Variants in SFMBT1 observed in about 807,000 individuals in gnomAD.
SFMBT1 encodes the protein scm-like with four MBT domains protein 1.
Under a neutral mutation model 108.7 loss-of-function variants are expected in SFMBT1, and 32 were observed. The ratio of observed to expected loss-of-function variants is 0.29; its 90% CI spans 0.22 to 0.40. The LOEUF (loss-of-function observed/expected upper bound fraction) is 0.40, where lower values mean the gene tolerates loss of function less well. SFMBT1 is among the 10% of genes least tolerant of loss of function. The probability of loss-of-function intolerance (pLI) is 1.00; values close to 1 mark genes in which losing one functional copy is unlikely to be tolerated. For missense variants in SFMBT1, 816 were observed against 1,059.6 expected, an observed-to-expected ratio of 0.77 and a Z score of 3.19; for synonymous variants, 348 against 369.5, an observed-to-expected ratio of 0.94 and a Z score of 0.67.
intron 1 of SFMBT1, among the ~76,000 whole-genome samples, chr3:53,017,642 T>C (rs1241588730): frequency 1.3e-5 from 2 of 152,190 alleles, no homozygotes; most frequent in African/African-American, 4.8e-5. Flanking sequence ...AAAGAGCAAC[T>C]TGGAGAAATA....
rs564185675 is a variant in SFMBT1 at position 52,907,012 on chromosome 3, C to G, written c.2331+57G>C. ...TGTCAATATCACTAATAATCATATT[C>G]CAGATGGAAATTCCAGAGAGAAAGA... On this transcript the variant is annotated intron_variant, in intron 19 of 20. Coordinates refer to ENST00000394752, the MANE Select transcript of SFMBT1 (RefSeq NM_016329.4). 123 of 1,546,454 alleles carry G rather than the reference C, an allele frequency of 8.0e-5. No homozygotes were observed. The African/African-American group carries it at 1.6e-3, about 20-fold the overall frequency.
rs1448849638 is a variant in SFMBT1 at position 53,001,925 on chromosome 3, T to TCTCACACACACACACACA, written c.-130-32668_-130-32667insTGTGTGTGTGTGTGTGAG. The stretch of plus-strand genomic sequence containing the variant: ...GGGCAACAGAGCAAGACCCAGTCTC[T>TCTCACACACACACACACA]CACACACACACACACACACACACAC... On this transcript the variant is annotated intron_variant, in intron 1 of 20. Transcript: ENST00000394752. Among the ~76,000 whole-genome samples, 124 of 129,230 alleles carry TCTCACACACACACACACA rather than the reference T, an allele frequency of 9.6e-4. 4 individuals carry two copies. The highest frequency in any genetic ancestry group is 3.3e-3 in the African/African-American group (120 of 35,826). The allele number at this position is 129,230 out of a possible 152,430, so 84.8% of individuals were successfully genotyped here. A position where few individuals can be genotyped will look rare whatever the true frequency, so the allele number is the denominator to read the frequency against.
chr3:52,939,210 T>C (rs1703110330), intron 4 of SFMBT1, among the ~76,000 whole-genome samples: 1 of 152,240 alleles, frequency 6.6e-6, no homozygotes, highest in South Asian at 2.1e-4. Context: ...CCTCATTTGA[T>C]TTTCCTACAT....
chr3:52,983,484 GTGT>G (rs1178700674), intron 1 of SFMBT1, among the ~76,000 whole-genome samples: 1 of 152,184 alleles, frequency 6.6e-6, no homozygotes, highest in African/African-American at 2.4e-5. Context: ...CAACACCCCT[GTGT>G]TGTTCAAGGG....
intron 17 of SFMBT1, among the ~76,000 whole-genome samples, chr3:52,908,271 A>C (rs1008218895): frequency 6.6e-6 from 1 of 151,502 alleles, no homozygotes; most frequent in Non-Finnish European, 1.5e-5. Flanking sequence ...ACGGGGTTTC[A>C]CCATGTTGGC....
At chr3:53,039,965 C>G (rs1699983416) in intron 1 of SFMBT1, among the ~76,000 whole-genome samples, 1 of 152,198 alleles carries the variant, frequency 6.6e-6, no homozygotes, top group South Asian at 2.1e-4. Context: ...TTGGTGTGAT[C>G]ACCATCTAAC....
At chr3:52,926,844 A>C (rs554827486) in intron 9 of SFMBT1, among the ~76,000 whole-genome samples, 21 of 152,174 alleles carry the variant, frequency 1.4e-4, no homozygotes, top group Admixed American at 5.2e-4. Context: ...AATGTCTCAC[A>C]GGCAAAAAAA....
In SFMBT1 at chr3:52,913,464, G is replaced by A; in HGVS notation, c.1620+14C>T. The stretch of plus-strand genomic sequence containing the variant: ...GAAATTTCCAAGTTATTTTGCTCTA[G>A]GCCAGAACCTTACCTCTCTAAGGAC... On this transcript the variant is annotated intron_variant, in intron 15 of 20. Transcript: ENST00000394752. 1 of 1,609,348 alleles carries A rather than the reference G, an allele frequency of 6.2e-7. No individual in the cohort carries two copies. The highest frequency in any genetic ancestry group is 8.5e-7 in the Non-Finnish European group (1 of 1,178,712).
intron 1 of SFMBT1, among the ~76,000 whole-genome samples, chr3:53,024,561 G>A (rs761817573): frequency 7.2e-5 from 11 of 152,196 alleles, no homozygotes; most frequent in African/African-American, 1.4e-4. Context: ...TAACAGGGTC[G>A]TTGTGTGTCA....
chr3:52,912,120 G>T (rs1702230362), intron 16 of SFMBT1, among the ~76,000 whole-genome samples: 1 of 152,122 alleles, frequency 6.6e-6, no homozygotes, highest in African/African-American at 2.4e-5. Context: ...AGCTGAAAAA[G>T]CCCTGCCTAA....
At chr3:52,964,488 T>A (rs2336670) in intron 2 of SFMBT1, among the ~76,000 whole-genome samples, 43 of 152,118 alleles carry the variant, frequency 2.8e-4, no homozygotes, top group Admixed American at 9.8e-4. Flanking sequence ...TACTCCACCC[T>A]GGGTGACAAA....
At chr3:52,954,432 A>G (rs767298452) in intron 2 of SFMBT1, 21 bp from the exon 3 acceptor site, 10 of 1,552,874 alleles carry the variant, frequency 6.4e-6, no homozygotes, top group Non-Finnish European at 8.8e-6. Context: ...AAATAAAACA[A>G]AAACAGGTGA....
chr3:52,921,595 A>C, intron 11 of SFMBT1, 110 bp downstream of exon 11: 4 of 1,214,858 alleles, frequency 3.3e-6, no homozygotes, highest in Middle Eastern at 2.1e-4. Flanking sequence ...GTCTCTGAAC[A>C]AGATCCCTAT....
intron 9 of SFMBT1, among the ~76,000 whole-genome samples, chr3:52,926,492 G>C (rs1042351671): frequency 6.6e-6 from 1 of 152,068 alleles, no homozygotes; most frequent in Non-Finnish European, 1.5e-5. Context: ...AAAGGGACTC[G>C]GGCTCTCAAG....
At chr3:52,935,960 A>G (rs1702994585) in intron 4 of SFMBT1, among the ~76,000 whole-genome samples, 1 of 152,040 alleles carries the variant, frequency 6.6e-6, no homozygotes, top group South Asian at 2.1e-4. Context: ...CAGTTGTTCT[A>G]CTGTTCCCTG....
chr3:53,014,826 G>T (rs1442279734), intron 1 of SFMBT1, among the ~76,000 whole-genome samples: 2 of 152,194 alleles, frequency 1.3e-5, no homozygotes, highest in Non-Finnish European at 2.9e-5. Flanking sequence ...TAATACAGCA[G>T]AGAGAAACTA....
At chr3:53,027,234 T>G (rs576974047) in intron 1 of SFMBT1, among the ~76,000 whole-genome samples, 6 of 152,268 alleles carry the variant, frequency 3.9e-5, no homozygotes, top group African/African-American at 1.2e-4. Flanking sequence ...TCACTGCCAT[T>G]TACTCCTACA....
chr3:53,027,026 T>A (rs2106951296), intron 1 of SFMBT1, among the ~76,000 whole-genome samples: 1 of 152,094 alleles, frequency 6.6e-6, no homozygotes, highest in East Asian at 1.9e-4. Flanking sequence ...CAACTAATCC[T>A]CCCTCCTTGG....
chr3:52,916,034 G>C, intron 14 of SFMBT1, 116 bp downstream of exon 14: 1 of 764,660 alleles, frequency 1.3e-6, no homozygotes, highest in Non-Finnish European at 2.2e-6. Flanking sequence ...ACAATTAAGA[G>C]ACCCCTCTAT....
Sources: gnomAD v4.1 joint callset for allele counts (sites outside exome capture counted in the v4.1 genomes callset) on GRCh38, gnomAD v4.1.1 for gene constraint, MANE v1.5 for transcripts, NCBI Gene and HGNC (gene_info 2026-07-23, HGNC 2026-07-21) for gene names.